The following MYT1L variants were observed in gnomAD, a reference collection of about 807,000 sequenced individuals.
MYT1L encodes myelin transcription factor 1-like protein.
Under a neutral mutation model 126.7 loss-of-function variants are expected in MYT1L, and 12 were observed. The ratio of observed to expected loss-of-function variants is 0.09; its 90% confidence interval spans 0.06 to 0.15. The LOEUF is 0.15. MYT1L is among the 10% of genes least tolerant of loss of function. The probability of loss-of-function intolerance (pLI) is 1.00; values close to 1 mark genes in which losing one functional copy is unlikely to be tolerated. For synonymous variants in MYT1L, 541 were observed against 604.2 expected (o/e 0.90, Z 1.53); for missense variants, 979 against 1,585.2 (o/e 0.62, Z 6.49).
intron 2 of MYT1L, among the ~76,000 whole-genome samples, chr2:2,279,572 G>GGAAT (rs397936428): frequency 4.1e-5 from 5 of 120,784 alleles, no homozygotes; most frequent in Non-Finnish European, 8.3e-5. Flanking sequence ...AATGAATGAA[G>GGAAT]GAAGGAAGGA....
intron 11 of MYT1L, among the ~76,000 whole-genome samples, chr2:1,913,729 T>C (rs910203219): frequency 1.3e-5 from 2 of 152,140 alleles, no homozygotes; most frequent in Admixed American, 1.3e-4. Context: ...CACTCTGACC[T>C]GAGGTCCAGA....
At chr2:1,841,454 C>T (rs1375999260) in intron 19 of MYT1L, 3 of 152,642 alleles carry the variant, frequency 2.0e-5, no homozygotes, top group African/African-American at 4.8e-5. Flanking sequence ...TGATTCTCTC[C>T]AAAACCTGTG....
At position 2,248,360 on chromosome 2, in the gene MYT1L, A is replaced by G. The variant is rs186875067; in HGVS notation, c.-421+36044T>C. 1.3e-3 allele frequency among the ~76,000 whole-genome samples: 201 copies of G among 152,290 alleles called. 1 individual carries two copies. Among genetic ancestry groups the G allele is most frequent in the African/African-American group, 4.6e-3 (191 of 41,578 alleles). ...AATAAAAAACCTAAACAGACCCATA[A>G]CAAGTAATGAGATAAAAGCCGTAGT... On this transcript the variant is annotated intron_variant, in intron 2 of 24. Transcript: ENST00000647738.
intron 1 of MYT1L, among the ~76,000 whole-genome samples, chr2:2,316,035 A>G (rs2096059637): frequency 6.6e-6 from 1 of 152,152 alleles, no homozygotes; most frequent in South Asian, 2.1e-4. Flanking sequence ...TAAATAAAAC[A>G]TATCTGTGTT....
At chr2:1,951,051 G>A (rs544105444) in intron 8 of MYT1L, among the ~76,000 whole-genome samples, 23 of 152,246 alleles carry the variant, frequency 1.5e-4, no homozygotes, top group Admixed American at 6.5e-4. Context: ...AGACACGGGA[G>A]ACTCAGGTCT....
In MYT1L at chr2:2,320,170, G is replaced by A. The variant is rs7558204; in HGVS notation, c.-521+10797C>T. 5.1e-3 allele frequency among the ~76,000 whole-genome samples: 772 copies of A among 152,162 alleles called. 8 individuals are homozygous for A. Among genetic ancestry groups the A allele is most frequent in the African/African-American group, 0.017 (726 of 41,508 alleles). On this transcript the variant is annotated intron_variant, in intron 1 of 24. Transcript: ENST00000647738. ...ACCCCAGTGGCTGGAAAGTCCCACT[G>A]GGGTGCAGACATAGTCCCCTGATCT...
At chr2:2,168,994 C>A (rs775663542) in intron 3 of MYT1L, among the ~76,000 whole-genome samples, 3 of 152,172 alleles carry the variant, frequency 2.0e-5, no homozygotes, top group Non-Finnish European at 4.4e-5. Flanking sequence ...AAAACATCTT[C>A]TGTGTTTCAA....
At chr2:1,962,556 C>T (rs999927842) in intron 8 of MYT1L, among the ~76,000 whole-genome samples, 7 of 152,180 alleles carry the variant, frequency 4.6e-5, no homozygotes, top group East Asian at 3.9e-4. Context: ...TCACATCGAT[C>T]GAGACTTCCT....
intron 2 of MYT1L, among the ~76,000 whole-genome samples, chr2:2,276,104 G>A (rs1462656990): frequency 1.3e-5 from 2 of 152,174 alleles, no homozygotes; most frequent in African/African-American, 4.8e-5. Flanking sequence ...TGATACAGTG[G>A]TGTATGGGTA....
chr2:2,131,877 T>C (rs538270798), intron 3 of MYT1L, among the ~76,000 whole-genome samples: 136 of 150,060 alleles, frequency 9.1e-4, no homozygotes, highest in African/African-American at 3.1e-3. Context: ...TCTCTAATTC[T>C]GGAAGGGGAC....
intron 22 of MYT1L, among the ~76,000 whole-genome samples, chr2:1,804,792 A>T (rs546611183): frequency 1.3e-5 from 2 of 152,314 alleles, no homozygotes; most frequent in African/African-American, 2.4e-5. Context: ...AGCTCTCAGG[A>T]ATATTAAGCG....
intron 3 of MYT1L, among the ~76,000 whole-genome samples, chr2:2,148,744 T>G (rs1482449638): frequency 1.3e-5 from 2 of 152,162 alleles, no homozygotes; most frequent in Non-Finnish European, 2.9e-5. Context: ...GTAAACAACA[T>G]GAACAGGTTT....
chr2:1,835,748 G>A (rs1158683169), intron 21 of MYT1L, among the ~76,000 whole-genome samples: 3 of 152,162 alleles, frequency 2.0e-5, no homozygotes, highest in African/African-American at 7.2e-5. Flanking sequence ...TTTCCTCCTT[G>A]GAGGTCGCCG....
chr2:1,977,387 T>C (rs2060266151), intron 8 of MYT1L, among the ~76,000 whole-genome samples: 2 of 152,246 alleles, frequency 1.3e-5, no homozygotes, highest in East Asian at 1.9e-4. Context: ...CTTAGTGAAA[T>C]GCACCTTGGT....
intron 4 of MYT1L, among the ~76,000 whole-genome samples, chr2:2,053,690 G>A (rs2069122084): frequency 6.6e-6 from 1 of 152,174 alleles, no homozygotes; most frequent in Admixed American, 6.5e-5. Context: ...ACTGCTGAAA[G>A]GTGAACCAGG....
rs147541425 is a variant in MYT1L, at chr2:2,114,298, C to T, written c.-304+58574G>A. 5.0e-3 allele frequency among the ~76,000 whole-genome samples: 757 copies of T among 152,310 alleles called. 23 individuals are homozygous for T. In the East Asian group the frequency reaches 0.068, roughly 14 times the overall value. ...ACTTATAGCACCCTCTTAGCTCCCTCGTGTAGGAAAAACAAGTCCCAAGGT... is the reference window on the plus strand; with the variant it reads ...ACTTATAGCACCCTCTTAGCTCCCTTGTGTAGGAAAAACAAGTCCCAAGGT... On this transcript the variant is annotated intron_variant, in intron 3 of 24. Transcript: ENST00000647738.
intron 8 of MYT1L, among the ~76,000 whole-genome samples, chr2:1,975,481 C>A (rs898656665): frequency 2.0e-5 from 3 of 152,254 alleles, no homozygotes; most frequent in African/African-American, 7.2e-5. Flanking sequence ...GTAATCCCAG[C>A]ATTTTGGGAG....
intron 2 of MYT1L, among the ~76,000 whole-genome samples, chr2:2,266,831 CTT>C (rs972070102): frequency 6.6e-6 from 1 of 152,218 alleles, no homozygotes; most frequent in African/African-American, 2.4e-5. Flanking sequence ...CTCTCCTTCT[CTT>C]GTCTGCTGTC....
intron 3 of MYT1L, among the ~76,000 whole-genome samples, chr2:2,111,116 G>A (rs1183691844): frequency 6.6e-6 from 1 of 152,212 alleles, no homozygotes; most frequent in African/African-American, 2.4e-5. Context: ...GGCTGGAAGT[G>A]AGGGTGTCAG....
Sources: gnomAD v4.1 joint callset for allele counts (sites outside exome capture counted in the v4.1 genomes callset) on GRCh38, gnomAD v4.1.1 for gene constraint, MANE v1.5 for transcripts, NCBI Gene and HGNC (gene_info 2026-07-23, HGNC 2026-07-21) for gene names.